Variants in GRIN2B observed in about 807,000 individuals in gnomAD.
The protein encoded by GRIN2B is glutamate ionotropic receptor NMDA type subunit 2B.
A neutral mutation model predicts 114.5 loss-of-function variants in GRIN2B; 5 were observed. That is an observed-to-expected ratio of 0.04 (90% CI 0.02 to 0.09). The LOEUF is 0.09. GRIN2B is among the 10% of genes least tolerant of loss of function. GRIN2B has a pLI of 1.00. For missense variants in GRIN2B, 1,108 were observed against 1,943.5 expected (o/e 0.57, Z 8.08); for synonymous variants, 787 against 745.1 (o/e 1.06, Z -0.92).
chr12:13,904,506 C>T (rs1437691459), intron 2 of GRIN2B, among the ~76,000 whole-genome samples: 1 of 152,008 alleles, frequency 6.6e-6, no homozygotes. Context: ...CACTATTAGT[C>T]ATCTTTATCT....
At chr12:13,776,539 A>G (rs954281014) in intron 3 of GRIN2B, among the ~76,000 whole-genome samples, 3 of 152,222 alleles carry the variant, frequency 2.0e-5, no homozygotes, top group Admixed American at 6.5e-5. Flanking sequence ...GGAAAGATAT[A>G]GTCCTTGAAA....
rs992971649 is a variant in GRIN2B, at chr12:13,552,411, C to T, written c.*10372G>A. The T allele has an allele frequency of 3.3e-5, 5 of 152,190 alleles. No individual in the cohort carries two copies. 9.4% of individuals were successfully genotyped at this position (152,190 alleles called of 1,614,324 possible). A position where few individuals can be genotyped will look rare whatever the true frequency, so the allele number is the denominator to read the frequency against. On this transcript the variant is annotated 3_prime_UTR_variant, in exon 14 of 14. Coordinates refer to ENST00000609686, the MANE Select transcript of GRIN2B (RefSeq NM_000834.5). ...GGGAACCATGTGCCTCACATGTCAG[C>T]TTCTGGCTTTATTGGTGACACAAAA...
rs924463462 is a variant in GRIN2B at position 13,541,009 on chromosome 12, C to T, written c.*21774G>A. On this transcript the variant is annotated 3_prime_UTR_variant, in exon 14 of 14. Transcript: ENST00000609686. ...ATGTTTCCATCATCACCCCCTTACA[C>T]ACGTGCGCTCACACACACGCTCACA... 2.6e-5 allele frequency: 4 copies of T among 152,314 alleles called. No homozygotes were observed. The highest frequency in any genetic ancestry group is 3.9e-4 in the East Asian group (2 of 5,188). 9.4% of individuals were successfully genotyped at this position (152,314 alleles called of 1,614,324 possible). A position where few individuals can be genotyped will look rare whatever the true frequency, so the allele number is the denominator to read the frequency against.
intron 3 of GRIN2B, among the ~76,000 whole-genome samples, chr12:13,772,839 C>T (rs1049757822): frequency 1.3e-5 from 2 of 152,086 alleles, no homozygotes; most frequent in African/African-American, 2.4e-5. Flanking sequence ...AATAATCACA[C>T]TTTCCATTGC....
At chr12:13,788,786 T>C (rs1864262258) in intron 3 of GRIN2B, among the ~76,000 whole-genome samples, 1 of 140,754 alleles carries the variant, frequency 7.1e-6, no homozygotes, top group Non-Finnish European at 1.6e-5. Flanking sequence ...CATCTCCCTT[T>C]GAACTCTGGG....
chr12:13,674,095 C>T (rs78632035), intron 5 of GRIN2B, among the ~76,000 whole-genome samples: 21,491 of 152,044 alleles, frequency 0.14, 1,955 homozygotes, highest in Middle Eastern at 0.21. Flanking sequence ...CGCAGTGGCA[C>T]ACACCTGTAA....
At chr12:13,663,635 C>G (rs552890864) in intron 5 of GRIN2B, among the ~76,000 whole-genome samples, 25 of 152,180 alleles carry the variant, frequency 1.6e-4, no homozygotes, top group African/African-American at 5.8e-4. Context: ...TTTAAAAATC[C>G]CTGTGCAAAA....
At chr12:13,804,240 T>C (rs1319942635) in intron 3 of GRIN2B, among the ~76,000 whole-genome samples, 3 of 152,016 alleles carry the variant, frequency 2.0e-5, no homozygotes, top group Admixed American at 6.6e-5. Context: ...ACTGTTTTTT[T>C]TTTTCACCGT....
At chr12:13,939,052 G>A (rs1039330111) in intron 2 of GRIN2B, among the ~76,000 whole-genome samples, 1 of 152,086 alleles carries the variant, frequency 6.6e-6, no homozygotes, top group African/African-American at 2.4e-5. Flanking sequence ...GACTTTAACT[G>A]TTCCCTACTC....
chr12:13,563,499 T>G lies in GRIN2B; in HGVS notation c.3739A>C (p.Lys1247Gln). ...CTGATGTCATACAGGTTGCCTGCTT[T>G]CTTGCAAGCCTCACACCGGATGCAC... ...QACIRCEACK[K>Q]AGNLYDISED... Residue 1247 changes from lysine (K) to glutamine (Q), a missense_variant, in exon 14 of 14, where the codon AAA (lysine) becomes CAA (glutamine). This residue lies in a region of GRIN2B where 478 missense variants were observed against 506.0 expected (regional missense o/e 0.94). Transcript: ENST00000609686. 1 of 1,614,142 alleles carries G rather than the reference T, an allele frequency of 6.2e-7. No individual in the cohort carries two copies. The highest frequency in any genetic ancestry group is 8.5e-7 in the Non-Finnish European group (1 of 1,180,024).
intron 2 of GRIN2B, among the ~76,000 whole-genome samples, chr12:13,942,059 G>C (rs78663979): frequency 6.6e-6 from 1 of 152,114 alleles, no homozygotes; most frequent in Non-Finnish European, 1.5e-5. Context: ...TTTGAAAAAA[G>C]GTCTGCTTTT....
intron 2 of GRIN2B, among the ~76,000 whole-genome samples, chr12:13,898,202 T>A (rs1591609619): frequency 6.6e-6 from 1 of 152,086 alleles, no homozygotes; most frequent in Non-Finnish European, 1.5e-5. Context: ...ACTATTAGGG[T>A]CTGACACTGA....
chr12:13,979,601 A>G (rs1186941583), intron 2 of GRIN2B, among the ~76,000 whole-genome samples: 1 of 151,636 alleles, frequency 6.6e-6, no homozygotes, highest in East Asian at 1.9e-4. Context: ...ATAAAATGCT[A>G]TTTAACTGGA....
intron 5 of GRIN2B, chr12:13,634,143 T>A (rs1949643571): frequency 6.6e-6 from 1 of 152,226 alleles, no homozygotes; most frequent in Non-Finnish European, 1.5e-5. Context: ...ATAATCTCTC[T>A]GACCAACGTA....
chr12:13,632,811 A>C (rs1949627957), intron 5 of GRIN2B, among the ~76,000 whole-genome samples: 1 of 152,248 alleles, frequency 6.6e-6, no homozygotes, highest in South Asian at 2.1e-4. Context: ...GTTTTCAACC[A>C]GTGTATATAT....
At chr12:13,900,785 A>G (rs1222609405) in intron 2 of GRIN2B, among the ~76,000 whole-genome samples, 2 of 152,174 alleles carry the variant, frequency 1.3e-5, no homozygotes, top group Admixed American at 6.6e-5. Context: ...GAATCATACC[A>G]TATGTATTAT....
intron 3 of GRIN2B, among the ~76,000 whole-genome samples, chr12:13,755,280 G>GA (rs1287291481): frequency 1.3e-5 from 2 of 152,038 alleles, no homozygotes; most frequent in African/African-American, 4.8e-5. Context: ...ACCCCTTATT[G>GA]AAAAAAATAC....
chr12:13,834,009 T>C (rs1280714980), intron 3 of GRIN2B, among the ~76,000 whole-genome samples: 1 of 150,210 alleles, frequency 6.7e-6, no homozygotes, highest in East Asian at 2.0e-4. Flanking sequence ...CAGTAGTCTC[T>C]TTGCTAACTT....
chr12:13,967,231 A>T (rs1370950255), intron 2 of GRIN2B, among the ~76,000 whole-genome samples: 1 of 152,194 alleles, frequency 6.6e-6, no homozygotes, highest in African/African-American at 2.4e-5. Flanking sequence ...TCCAGGTCCT[A>T]ACCACCTTTC....
Sources: allele counts gnomAD v4.1 joint callset (sites outside exome capture counted in the v4.1 genomes callset), GRCh38; gene constraint gnomAD v4.1.1; regional missense constraint gnomAD v4.1.1; transcripts MANE v1.5; gene names NCBI Gene and HGNC (gene_info 2026-07-23, HGNC 2026-07-21).